ATRNL1: variants seen among roughly 807,000 people sequenced by gnomAD.
ATRNL1 encodes the protein attractin-like protein 1.
A neutral mutation model predicts 182.7 loss-of-function variants in ATRNL1; 95 were observed. That is an observed-to-expected ratio of 0.52 (90% CI 0.44 to 0.62). The LOEUF is 0.62. Among genes scored for constraint, ATRNL1 ranks in the 20% least tolerant of loss-of-function variants. The pLI, the probability that ATRNL1 is intolerant of heterozygous loss-of-function variation, is 0.00. For synonymous variants in ATRNL1, 576 were observed against 568.3 expected, an observed-to-expected ratio of 1.01 and a Z score of -0.19; for missense variants, 1,471 against 1,679.5, an observed-to-expected ratio of 0.88 and a Z score of 2.17.
At chr10:115,669,086 A>G (rs183422396) in intron 26 of ATRNL1, among the ~76,000 whole-genome samples, 7 of 152,264 alleles carry the variant, frequency 4.6e-5, no homozygotes, top group Admixed American at 2.6e-4. Context: ...CTGACACCAC[A>G]TTGTTTTCTT....
At chr10:115,623,899 A>G (rs139416218) in intron 26 of ATRNL1, among the ~76,000 whole-genome samples, 85 of 152,290 alleles carry the variant, frequency 5.6e-4, no homozygotes, top group African/African-American at 2.0e-3. Flanking sequence ...GCAGTCTATT[A>G]GTCACAGTAG....
intron 26 of ATRNL1, among the ~76,000 whole-genome samples, chr10:115,702,980 G>A (rs1389203774): frequency 6.6e-6 from 1 of 151,680 alleles, no homozygotes; most frequent in Admixed American, 6.6e-5. Context: ...GCAATACTAA[G>A]CAAAAAGAAC....
chr10:115,528,073 T>TTTCCTTC (rs1565133603), intron 25 of ATRNL1, among the ~76,000 whole-genome samples: 1 of 24,114 alleles, frequency 4.1e-5, no homozygotes, highest in African/African-American at 9.7e-5. Context: ...TTCCTTCCTT[T>TTTCCTTC]CCCTTCTCAT....
intron 26 of ATRNL1, among the ~76,000 whole-genome samples, chr10:115,669,570 G>T (rs190649935): frequency 6.6e-6 from 1 of 152,130 alleles, no homozygotes; most frequent in African/African-American, 2.4e-5. Flanking sequence ...TCCCTTTCTT[G>T]TGAACTACAG....
chr10:115,110,040 G>A (rs575716492), intron 1 of ATRNL1, among the ~76,000 whole-genome samples: 1 of 152,178 alleles, frequency 6.6e-6, no homozygotes, highest in Admixed American at 6.5e-5. Flanking sequence ...TACTTTAGAT[G>A]TATAAAAATG....
At chr10:115,220,737 G>A (rs1334123140) in intron 9 of ATRNL1, among the ~76,000 whole-genome samples, 1 of 73,158 alleles carries the variant, frequency 1.4e-5, no homozygotes, top group African/African-American at 4.9e-5. Flanking sequence ...GGGGGGGGGG[G>A]CGGGGTCAGG....
At chr10:115,835,686 G>T (rs551772816) in intron 27 of ATRNL1, among the ~76,000 whole-genome samples, 11 of 152,254 alleles carry the variant, frequency 7.2e-5, no homozygotes, top group African/African-American at 2.6e-4. Context: ...ATTATAGTAG[G>T]ACTGGGATGT....
intron 9 of ATRNL1, among the ~76,000 whole-genome samples, chr10:115,233,382 CTT>C (rs1378386178): frequency 6.6e-6 from 1 of 152,036 alleles, no homozygotes; most frequent in East Asian, 1.9e-4. Flanking sequence ...TTTTATTACT[CTT>C]ATGTCTAACA....
At chr10:115,109,412 A>G (rs1201673797) in intron 1 of ATRNL1, among the ~76,000 whole-genome samples, 1 of 152,184 alleles carries the variant, frequency 6.6e-6, no homozygotes. Context: ...TTGTTGCATC[A>G]TTGCATGACA....
chr10:115,331,341 T>C (rs1357316418), intron 18 of ATRNL1, among the ~76,000 whole-genome samples: 9 of 152,226 alleles, frequency 5.9e-5, no homozygotes, highest in Non-Finnish European at 1.3e-4. Context: ...ATTATAGGCG[T>C]GAGCCACCGC....
intron 15 of ATRNL1, among the ~76,000 whole-genome samples, chr10:115,297,864 A>T (rs1413436057): frequency 6.6e-6 from 1 of 151,906 alleles, no homozygotes; most frequent in Non-Finnish European, 1.5e-5. Flanking sequence ...CTTTTTTGAG[A>T]TTGCATATTT....
intron 26 of ATRNL1, among the ~76,000 whole-genome samples, chr10:115,634,201 CGTG>C (rs2133838660): frequency 6.6e-6 from 1 of 152,102 alleles, no homozygotes; most frequent in African/African-American, 2.4e-5. Context: ...TACAATCTAC[CGTG>C]GTTATTATGC....
At chr10:115,939,558 A>G (rs1555123706) in intron 28 of ATRNL1, among the ~76,000 whole-genome samples, 2 of 152,232 alleles carry the variant, frequency 1.3e-5, no homozygotes, top group Non-Finnish European at 2.9e-5. Flanking sequence ...GCATCTGTGC[A>G]TCATCTTTAC....
intron 27 of ATRNL1, among the ~76,000 whole-genome samples, chr10:115,740,500 T>TATCC (rs1345102384): frequency 6.6e-6 from 1 of 151,632 alleles, no homozygotes; most frequent in African/African-American, 2.4e-5. Context: ...AGATCCTATC[T>TATCC]ATCTATCTAT....
intron 24 of ATRNL1, among the ~76,000 whole-genome samples, chr10:115,500,546 A>C (rs1554979869): frequency 6.6e-6 from 1 of 151,504 alleles, no homozygotes; most frequent in African/African-American, 2.4e-5. Context: ...GTGCAGCAAG[A>C]ATAATTTTTT....
intron 24 of ATRNL1, among the ~76,000 whole-genome samples, chr10:115,508,091 A>G (rs1336120): frequency 0.72 from 109,880 of 151,928 alleles, 40,630 homozygotes; most frequent in African/African-American, 0.82. Flanking sequence ...GTGTCTCTGC[A>G]CCACATTTTG....
intron 8 of ATRNL1, among the ~76,000 whole-genome samples, chr10:115,173,649 A>G (rs1472690961): frequency 6.6e-6 from 1 of 151,916 alleles, no homozygotes; most frequent in Non-Finnish European, 1.5e-5. Context: ...GCTATTACAA[A>G]TATTAATAAT....
chr10:115,818,185 GT>G (rs3027964), intron 27 of ATRNL1, among the ~76,000 whole-genome samples: 53,995 of 130,388 alleles, frequency 0.41, 9,540 homozygotes, highest in East Asian at 0.67. Flanking sequence ...ATTTGATTCC[GT>G]TTTTTTTTTT....
At chr10:115,339,275 A>T (rs1293611917) in intron 19 of ATRNL1, among the ~76,000 whole-genome samples, 1 of 151,720 alleles carries the variant, frequency 6.6e-6, no homozygotes, top group Non-Finnish European at 1.5e-5. Context: ...TTTGAGAGGG[A>T]TTGCATTGTA....
Sources: allele counts gnomAD v4.1 joint callset (sites outside exome capture counted in the v4.1 genomes callset), GRCh38; gene constraint gnomAD v4.1.1; transcripts MANE v1.5; gene names NCBI Gene and HGNC (gene_info 2026-07-23, HGNC 2026-07-21).